ACTL6B: variants seen among roughly 807,000 people sequenced by gnomAD.
ACTL6B encodes actin like 6B.
In ACTL6B, 48 loss-of-function variants were observed where a neutral mutation model predicts 63.3. The ratio of observed to expected loss-of-function variants is 0.76; its 90% confidence interval spans 0.60 to 0.96. The LOEUF (loss-of-function observed/expected upper bound fraction) is 0.96. Ranked by LOEUF, ACTL6B falls within the 50% of genes least tolerant of loss-of-function variation. The probability of loss-of-function intolerance (pLI) is 0.00; values close to 1 mark genes in which losing one functional copy is unlikely to be tolerated. For missense variants in ACTL6B, 350 were observed against 572.2 expected (o/e 0.61, Z 3.96); for synonymous variants, 230 against 223.8 (o/e 1.03, Z -0.25).
At chr7:100,644,463 G>GT (rs1355149416) in intron 13 of ACTL6B, among the ~76,000 whole-genome samples, 5 of 151,316 alleles carry the variant, frequency 3.3e-5, no homozygotes, top group African/African-American at 4.9e-5. Flanking sequence ...ATTTTTTTGG[G>GT]TTTTTTTTGA....
Position 100,655,491 on chromosome 7 carries a change from G to A in ACTL6B, c.198C>T (p.His66=), listed in dbSNP as rs755242718. ...GCACGTGCAGGGCATTGGTGTCGATGTGGAAGATCTTCCCTTTCTTCTCTT... is the reference window on the plus strand; with the variant it reads ...GCACGTGCAGGGCATTGGTGTCGATATGGAAGATCTTCCCTTTCTTCTCTT... ...GDKEKKGKIF[H]IDTNALHVPR... is the part of the protein sequence containing the mutation. The change falls in exon 3 of 14, where the codon CAC becomes CAT. Residue 66 remains histidine, a synonymous_variant. Transcript: ENST00000160382. The surrounding 1 kb of genome is among the most constrained non-coding windows in gnomAD (Gnocchi z 4.4). 7 of 1,614,192 alleles carry A rather than the reference G, an allele frequency of 4.3e-6. No individual in the cohort carries two copies. Among genetic ancestry groups the A allele is most frequent in the Non-Finnish European group, 5.9e-6 (7 of 1,180,034 alleles).
At position 100,656,367 on chromosome 7, in the gene ACTL6B, G is replaced by C. The variant is rs538885155; in HGVS notation, c.-13C>G. 5 of 1,339,058 alleles carry C rather than the reference G, an allele frequency of 3.7e-6. No individual in the cohort carries two copies. The East Asian group carries it at 9.3e-5, about 25-fold the overall frequency. 82.9% of individuals were successfully genotyped at this position (1,339,058 alleles called of 1,614,324 possible). On this transcript the variant is annotated 5_prime_UTR_variant, in exon 1 of 14. Coordinates refer to ENST00000160382, the MANE Select transcript of ACTL6B (RefSeq NM_016188.5). ...CGCCCCCGCTCATAGTGCCCGCTGC[G>C]CTGCTAGCGGCCCGTGGGCGGTGGC...
chr7:100,655,837 A>T lies in ACTL6B; in HGVS notation c.68T>A (p.Val23Asp). 6.3e-7 allele frequency: 1 copy of T among 1,576,454 alleles called. No individual in the cohort carries two copies. The highest frequency in any genetic ancestry group is 8.6e-7 in the Non-Finnish European group (1 of 1,160,636). Residue 23 changes from valine to aspartate, a missense_variant, in exon 2 of 14, where the codon GTC (valine) becomes GAC (aspartate). Transcript: ENST00000160382. The surrounding 1 kb of genome is among the most constrained non-coding windows in gnomAD (Gnocchi z 4.4). ...GTCCTCCCCAGCGTACCCAGCGCGGACTGAGAAGGAGCCAATGTCAAAGAC... is the reference window on the plus strand; with the variant it reads ...GTCCTCCCCAGCGTACCCAGCGCGGTCTGAGAAGGAGCCAATGTCAAAGAC... Reference protein sequence around the residue: ...ALVFDIGSFSVRAGYAGEDCP... With the variant: ...ALVFDIGSFSDRAGYAGEDCP...
rs756012495 is a variant in ACTL6B, at chr7:100,648,710, C to T, written c.562+19G>A. ...ACCTGGTCCTCCTGGAGCACCCCCA[C>T]CCCCTGCCGAAGCCCCACCTTGCTG... On this transcript the variant is annotated intron_variant, in intron 6 of 13. Coordinates refer to ENST00000160382, the MANE Select transcript of ACTL6B (RefSeq NM_016188.5). This position sits in a 1 kb window ranked among gnomAD's most constrained non-coding sequence, Gnocchi z 4.4. The T allele has an allele frequency of 1.9e-6, 3 of 1,613,864 alleles. No individual in the cohort carries two copies. Among genetic ancestry groups the T allele is most frequent in the African/African-American group, 2.7e-5 (2 of 75,044 alleles).
Position 100,655,226 on chromosome 7 carries a change from C to A in ACTL6B, c.269-107G>T. 8.3e-7 allele frequency: 1 copy of A among 1,202,294 alleles called. No homozygotes were observed. Among genetic ancestry groups the A allele is most frequent in the Non-Finnish European group, 1.2e-6 (1 of 831,780 alleles). 74.5% of individuals were successfully genotyped at this position (1,202,294 alleles called of 1,614,324 possible). A position where few individuals can be genotyped will look rare whatever the true frequency, so the allele number is the denominator to read the frequency against. ...AAGCCCAAAGGAGGGTCAGTGAGTC[C>A]AGCTCCAGGGGAACGCCCCCCTTCC... On this transcript the variant is annotated intron_variant, in intron 3 of 13. Coordinates refer to ENST00000160382, the MANE Select transcript of ACTL6B (RefSeq NM_016188.5). The surrounding 1 kb of genome is among the most constrained non-coding windows in gnomAD (Gnocchi z 4.4).
intron 13 of ACTL6B, among the ~76,000 whole-genome samples, chr7:100,643,790 C>G (rs2131331162): frequency 6.6e-6 from 1 of 152,366 alleles, no homozygotes; most frequent in South Asian, 2.1e-4. Context: ...CTGTGGCACC[C>G]CATCTGCAGC....
intron 4 of ACTL6B, among the ~76,000 whole-genome samples, chr7:100,651,848 G>A (rs569583914): frequency 2.0e-5 from 3 of 152,204 alleles, no homozygotes; most frequent in African/African-American, 7.2e-5. Context: ...GATTACAGGA[G>A]TGAGCCACTG....
rs1167619298 is a variant in ACTL6B at position 100,646,457 on chromosome 7, AGAAG to A, written c.1113+90_1113+93del. 7 of 1,554,112 alleles carry A rather than the reference AGAAG, an allele frequency of 4.5e-6. No individual in the cohort carries two copies. Among genetic ancestry groups the A allele is most frequent in the Non-Finnish European group, 3.5e-6 (4 of 1,127,854 alleles). ...GGGGTTCTGCTCTGGTGGCCAGAAC[AGAAG>A]GAAGGACATGGGAAGGATGAAGGGA... On this transcript the variant is annotated intron_variant, in intron 12 of 13. Transcript: ENST00000160382. This position sits in a 1 kb window ranked among gnomAD's most constrained non-coding sequence, Gnocchi z 6.1.
chr7:100,644,124 T>G (rs1258784416), intron 13 of ACTL6B, among the ~76,000 whole-genome samples: 3 of 152,200 alleles, frequency 2.0e-5, no homozygotes, highest in Non-Finnish European at 4.4e-5. Context: ...GGTCTCAAAC[T>G]CCTGACCTCA....
chr7:100,649,970 C>G (rs1425764235), intron 5 of ACTL6B, 68 bp downstream of exon 5: 19 of 1,408,676 alleles, frequency 1.3e-5, no homozygotes, highest in Non-Finnish European at 3.0e-6. Context: ...CAGCTCATCA[C>G]AGCTGAGCTC....
chr7:100,653,394 A>G (rs1030887001), intron 4 of ACTL6B, among the ~76,000 whole-genome samples: 5 of 152,074 alleles, frequency 3.3e-5, no homozygotes, highest in Non-Finnish European at 7.4e-5. Context: ...TCTCGCCTGT[A>G]ATCCCAGCCT....
intron 4 of ACTL6B, among the ~76,000 whole-genome samples, chr7:100,650,960 G>A (rs1373961088): frequency 2.0e-5 from 3 of 152,068 alleles, no homozygotes; most frequent in Admixed American, 6.6e-5. Context: ...TTTTCAGAAT[G>A]AAGAGACATA....
At chr7:100,650,646 G>A (rs934724289) in intron 4 of ACTL6B, among the ~76,000 whole-genome samples, 6 of 152,006 alleles carry the variant, frequency 3.9e-5, no homozygotes, top group Admixed American at 1.3e-4. Context: ...AAACTAGCCT[G>A]GACAACATAG....
At chr7:100,652,622 T>C (rs1803962311) in intron 4 of ACTL6B, among the ~76,000 whole-genome samples, 1 of 149,880 alleles carries the variant, frequency 6.7e-6, no homozygotes, top group African/African-American at 2.5e-5. Flanking sequence ...ATAAAATATC[T>C]AATGGAATTG....
At position 100,646,441 on chromosome 7, in the gene ACTL6B, C is replaced by T. The variant is rs1196454602; in HGVS notation, c.1114-106G>A. The T allele has an allele frequency of 3.2e-6, 5 of 1,540,160 alleles. No homozygotes were observed. Among genetic ancestry groups the T allele is most frequent in the Non-Finnish European group, 4.5e-6 (5 of 1,117,142 alleles). On this transcript the variant is annotated intron_variant, in intron 12 of 13. Coordinates refer to ENST00000160382, the MANE Select transcript of ACTL6B (RefSeq NM_016188.5). This position sits in a 1 kb window ranked among gnomAD's most constrained non-coding sequence, Gnocchi z 6.1. ...GGAAGCCACAGGGGCAGGGGTTCTG[C>T]TCTGGTGGCCAGAACAGAAGGAAGG...
rs1562849443 is a variant in ACTL6B at position 100,650,092 on chromosome 7, A to C, written c.413T>G (p.Phe138Cys). ...AKREKLTELM[F>C]EQYNIPAFFL... is the part of the protein sequence containing the mutation. The stretch of plus-strand genomic sequence containing the variant: ...GAAGGCAGGAATGTTGTACTGCTCG[A>C]ACATCAGCTCTGTCAGCTTCTCCCG... Residue 138 changes from phenylalanine to cysteine, a missense_variant, in exon 5 of 14, where the codon TTC becomes TGC. Physicochemically the swap from Phe to Cys is radical, Grantham distance 205. Around this residue, in one of 3 missense-constraint regions of ACTL6B, gnomAD observed 250 missense variants for 364.7 expected, o/e 0.69. Coordinates refer to ENST00000160382, the MANE Select transcript of ACTL6B (RefSeq NM_016188.5). 3 of 1,613,880 alleles carry C rather than the reference A, an allele frequency of 1.9e-6. No homozygotes were observed. Among genetic ancestry groups the C allele is most frequent in the African/African-American group, 2.7e-5 (2 of 74,910 alleles).
chr7:100,643,265 A>G lies in ACTL6B; in HGVS notation c.1262T>C (p.Val421Ala). 6.2e-7 allele frequency: 1 copy of G among 1,614,098 alleles called. No homozygotes were observed. The highest frequency in any genetic ancestry group is 1.1e-5 in the South Asian group (1 of 91,086). ...GTGCCATCAGGGGCACTTTCGCTCCACGCACTGCTTCCCGCCCTCCTCATA... is the reference window on the plus strand; with the variant it reads ...GTGCCATCAGGGGCACTTTCGCTCCGCGCACTGCTTCCCGCCCTCCTCATA... The part of the protein sequence containing the change: ...QEYEEGGKQC[V>A]ERKCP Residue 421 changes from valine (V) to alanine (A), a missense_variant, in exon 14 of 14, where the codon GTG (valine) becomes GCG (alanine). Transcript: ENST00000160382.
Position 100,648,914 on chromosome 7 carries a change from G to C in ACTL6B, c.468-91C>G. The C allele has an allele frequency of 7.8e-7, 1 of 1,289,758 alleles. No homozygotes were observed. The highest frequency in any genetic ancestry group is 1.1e-6 in the Non-Finnish European group (1 of 948,460). The allele number at this position is 1,289,758 out of a possible 1,614,324, so 79.9% of individuals were successfully genotyped here. The stretch of plus-strand genomic sequence containing the variant: ...TCTGGTCACTCTCTGCTCTACCGGG[G>C]TCCAGCCCATCCCCAGTCTGCAAAT... On this transcript the variant is annotated intron_variant, in intron 5 of 13. Coordinates refer to ENST00000160382, the MANE Select transcript of ACTL6B (RefSeq NM_016188.5). This position sits in a 1 kb window ranked among gnomAD's most constrained non-coding sequence, Gnocchi z 4.4.
chr7:100,644,005 T>A (rs1219510981), intron 13 of ACTL6B, among the ~76,000 whole-genome samples: 2 of 152,184 alleles, frequency 1.3e-5, no homozygotes, highest in Non-Finnish European at 2.9e-5. Context: ...GTTCCAGCGA[T>A]TCTCCTGCTT....
Sources: gnomAD v4.1 joint callset for allele counts (sites outside exome capture counted in the v4.1 genomes callset) on GRCh38, gnomAD v4.1.1 for gene constraint, gnomAD v4.1.1 regional missense constraint, Gnocchi (gnomAD v3.1) non-coding constraint, MANE v1.5 for transcripts, NCBI Gene and HGNC (gene_info 2026-07-23, HGNC 2026-07-21) for gene names.